The following CDC42BPA variants were observed in gnomAD, a reference collection of about 807,000 sequenced individuals.
CDC42BPA encodes CDC42 binding protein kinase alpha.
CDC42BPA carries 80 observed loss-of-function variants against 223.5 expected under a neutral mutation model. That is an observed-to-expected ratio of 0.36 (90% CI 0.30 to 0.43). The LOEUF (loss-of-function observed/expected upper bound fraction) is 0.43. CDC42BPA is among the 20% of genes least tolerant of loss of function. CDC42BPA has a pLI of 1.00. For missense variants in CDC42BPA, 1,743 were observed against 2,099.9 expected, an observed-to-expected ratio of 0.83 and a Z score of 3.32; for synonymous variants, 694 against 718.6, an observed-to-expected ratio of 0.97 and a Z score of 0.55.
chr1:227,076,986 G>A (rs1679622581), intron 17 of CDC42BPA, among the ~76,000 whole-genome samples: 1 of 152,104 alleles, frequency 6.6e-6, no homozygotes, highest in Non-Finnish European at 1.5e-5. Flanking sequence ...ACTACAGAAG[G>A]CCAACTTAGA....
chr1:227,094,326 T>G (rs1047994443), intron 15 of CDC42BPA, among the ~76,000 whole-genome samples: 13 of 152,174 alleles, frequency 8.5e-5, no homozygotes, highest in Non-Finnish European at 1.9e-4. Context: ...CTATGTGGGC[T>G]CTAAACTGAT....
intron 1 of CDC42BPA, among the ~76,000 whole-genome samples, chr1:227,277,575 A>T (rs977709079): frequency 4.6e-5 from 7 of 152,254 alleles, no homozygotes; most frequent in East Asian, 1.9e-4. Context: ...CCAGGAATTT[A>T]AAACTGATTT....
At chr1:227,048,753 G>GAAAAAA (rs34655609) in intron 22 of CDC42BPA, among the ~76,000 whole-genome samples, 5 of 112,486 alleles carry the variant, frequency 4.4e-5, no homozygotes, top group African/African-American at 1.3e-4. Flanking sequence ...AAAGTAGTGA[G>GAAAAAA]AAAAAAAAAA....
At chr1:227,188,273 A>C in intron 5 of CDC42BPA, among the ~76,000 whole-genome samples, 1 of 151,404 alleles carries the variant, frequency 6.6e-6, no homozygotes, top group African/African-American at 2.4e-5. Context: ...ATTACAAGGT[A>C]CTTCACTACC....
chr1:227,162,971 TATGTTTCCAAAC>T (rs1407602689), intron 5 of CDC42BPA, among the ~76,000 whole-genome samples: 7 of 97,502 alleles, frequency 7.2e-5, no homozygotes, highest in South Asian at 3.0e-4. Context: ...CAAACGTGTG[TATGTTTCCAAAC>T]ATGTTTCCAA....
chr1:227,126,603 T>A (rs1047786464), intron 11 of CDC42BPA, among the ~76,000 whole-genome samples: 2 of 152,134 alleles, frequency 1.3e-5, no homozygotes, highest in Non-Finnish European at 2.9e-5. Flanking sequence ...CTTAAAAATA[T>A]ATTAGGAATG....
At chr1:227,283,949 C>G (rs11803651) in intron 1 of CDC42BPA, among the ~76,000 whole-genome samples, 9,115 of 152,062 alleles carry the variant, frequency 0.06, 278 homozygotes, top group Non-Finnish European at 0.073. Context: ...TCCCAGCACT[C>G]GGGAGGCTGG....
chr1:227,276,527 C>T (rs1162650241), intron 1 of CDC42BPA, among the ~76,000 whole-genome samples: 1 of 136,544 alleles, frequency 7.3e-6, no homozygotes, highest in African/African-American at 2.8e-5. Flanking sequence ...TCACCCCGTC[C>T]GGGAGGTGCG....
chr1:227,150,709 AAGG>A (rs569386920), intron 6 of CDC42BPA, among the ~76,000 whole-genome samples: 2 of 152,122 alleles, frequency 1.3e-5, no homozygotes, highest in East Asian at 3.8e-4. Context: ...AATGAAGAAG[AAGG>A]AGGACAAGGA....
At chr1:227,114,453 A>AG (rs1040552772) in intron 12 of CDC42BPA, among the ~76,000 whole-genome samples, 5 of 135,620 alleles carry the variant, frequency 3.7e-5, no homozygotes, top group Admixed American at 7.7e-5. Context: ...GCTTTATTTC[A>AG]GGAAAAAAAA....
intron 14 of CDC42BPA, among the ~76,000 whole-genome samples, chr1:227,106,500 CGTT>C (rs1685957662): frequency 6.6e-6 from 1 of 151,980 alleles, no homozygotes; most frequent in Admixed American, 6.6e-5. Flanking sequence ...TAATAAGAAA[CGTT>C]GGTCTGTAAT....
intron 9 of CDC42BPA, among the ~76,000 whole-genome samples, chr1:227,142,338 G>T (rs1170051537): frequency 3.3e-5 from 5 of 152,222 alleles, no homozygotes; most frequent in African/African-American, 1.2e-4. Context: ...TTAATGGGTT[G>T]AAAGTTCTCC....
At chr1:227,090,764 T>C (rs1682928464) in intron 16 of CDC42BPA, among the ~76,000 whole-genome samples, 1 of 152,052 alleles carries the variant, frequency 6.6e-6, no homozygotes, top group Non-Finnish European at 1.5e-5. Context: ...TGAGACGAGA[T>C]TGCACCACCG....
At chr1:227,063,691 G>A (rs1039437085) in intron 21 of CDC42BPA, among the ~76,000 whole-genome samples, 4 of 152,106 alleles carry the variant, frequency 2.6e-5, no homozygotes, top group Non-Finnish European at 5.9e-5. Context: ...GCAAATTTCA[G>A]GAATGCCAAA....
In CDC42BPA at chr1:227,119,813, A is replaced by G; in HGVS notation, c.1638T>C (p.Asp546=). 2 of 1,572,740 alleles carry G rather than the reference A, an allele frequency of 1.3e-6. No individual in the cohort carries two copies. Among genetic ancestry groups the G allele is most frequent in the Non-Finnish European group, 1.7e-6 (2 of 1,154,952 alleles). The change falls in exon 12 of 37, where the codon GAT becomes GAC. Residue 546 remains aspartate, a synonymous_variant. Coordinates refer to ENST00000366766, the MANE Select transcript of CDC42BPA (RefSeq NM_001394014.1). ...QIKTLQQERE[D]LNKELVQASE... is the part of the protein sequence containing the mutation. The stretch of plus-strand genomic sequence containing the variant: ...TAGTCACATATTTTACCTTATTTAG[A>G]TCTTCTCTTTCTTGTTGTAACGTTT...
chr1:226,994,131 C>T lies in CDC42BPA; in HGVS notation c.*137G>A. ...ATCTGAGAGTCGTGTCGTCAGAACT[C>T]CTGAATCCCTGTCCTGCTACTGCTG... On this transcript the variant is annotated 3_prime_UTR_variant, in exon 37 of 37. Transcript: ENST00000366766. The surrounding 1 kb of genome is among the most constrained non-coding windows in gnomAD (Gnocchi z 4.0). 2.7e-6 allele frequency: 2 copies of T among 733,942 alleles called. No homozygotes were observed. Among genetic ancestry groups the T allele is most frequent in the South Asian group, 3.8e-5 (2 of 53,268 alleles). The allele number at this position is 733,942 out of a possible 1,614,324, so 45.5% of individuals were successfully genotyped here. A position where few individuals can be genotyped will look rare whatever the true frequency, so the allele number is the denominator to read the frequency against.
intron 2 of CDC42BPA, among the ~76,000 whole-genome samples, chr1:227,253,677 A>G (rs1682558976): frequency 6.6e-6 from 1 of 152,022 alleles, no homozygotes; most frequent in East Asian, 1.9e-4. Flanking sequence ...TACTATGAAA[A>G]TATCAGGGGA....
In CDC42BPA at chr1:227,064,672, G is replaced by A. The variant is rs564483973; in HGVS notation, c.2904+5105C>T. 2.9e-4 allele frequency among the ~76,000 whole-genome samples: 44 copies of A among 152,204 alleles called. No individual in the cohort carries two copies. The South Asian group carries it at 8.3e-3, about 29-fold the overall frequency. ...ATGCACGGTTGAAGGAAAAGATGAG[G>A]GTAGAAGTGGGAATAATTTCTACAG... On this transcript the variant is annotated intron_variant, in intron 21 of 36. Coordinates refer to ENST00000366766, the MANE Select transcript of CDC42BPA (RefSeq NM_001394014.1).
At chr1:227,272,371 A>C (rs2148477188) in intron 1 of CDC42BPA, among the ~76,000 whole-genome samples, 1 of 152,282 alleles carries the variant, frequency 6.6e-6, no homozygotes, top group African/African-American at 2.4e-5. Context: ...CCAAAAGAAA[A>C]ACCCTAAAGG....
Sources: gnomAD v4.1 joint callset for allele counts (sites outside exome capture counted in the v4.1 genomes callset) on GRCh38, gnomAD v4.1.1 for gene constraint, Gnocchi (gnomAD v3.1) non-coding constraint, MANE v1.5 for transcripts, NCBI Gene and HGNC (gene_info 2026-07-23, HGNC 2026-07-21) for gene names.